The following NRP1 variants were observed in gnomAD, a reference collection of about 807,000 sequenced individuals.
NRP1 encodes neuropilin 1.
In NRP1, 35 loss-of-function variants were observed where a neutral mutation model predicts 106.7. That is an observed-to-expected ratio of 0.33 (90% CI 0.25 to 0.43). The LOEUF is 0.43. NRP1 is among the 20% of genes least tolerant of loss of function. NRP1 has a pLI of 1.00. For missense variants in NRP1, 1,024 were observed against 1,170.4 expected (o/e 0.87, Z 1.83); for synonymous variants, 437 against 417.9 (o/e 1.05, Z -0.56).
Position 33,334,605 on chromosome 10 carries a change from C to T in NRP1, c.-223G>A, listed in dbSNP as rs867968214. 58 of 319,676 alleles carry T rather than the reference C, an allele frequency of 1.8e-4. 2 individuals carry two copies. The South Asian group carries it at 2.5e-3, about 14-fold the overall frequency. The allele number at this position is 319,676 out of a possible 1,614,324, so 19.8% of individuals were successfully genotyped here. ...TCGCCTGCATCCTGTCATTTAGCTC[C>T]GGCTTCCTCTCCCTTTTCCCACACT... On this transcript the variant is annotated 5_prime_UTR_variant, in exon 1 of 17. Transcript: ENST00000374867.
At chr10:33,317,916 T>C (rs534354694) in intron 2 of NRP1, among the ~76,000 whole-genome samples, 68 of 152,344 alleles carry the variant, frequency 4.5e-4, no homozygotes, top group South Asian at 4.1e-4. Context: ...TGCAGTGCCT[T>C]GGTGCTTTTG....
chr10:33,327,653 T>C (rs1026142513), intron 2 of NRP1, among the ~76,000 whole-genome samples: 13 of 149,944 alleles, frequency 8.7e-5, no homozygotes, highest in African/African-American at 2.9e-4. Context: ...ATTTCTGGTG[T>C]TCCCAGGTTT....
intron 6 of NRP1, among the ~76,000 whole-genome samples, chr10:33,235,436 G>A (rs1351428626): frequency 6.6e-6 from 1 of 152,346 alleles, no homozygotes; most frequent in Non-Finnish European, 1.5e-5. Context: ...AACAGCATCA[G>A]GCTCTGAAAG....
intron 2 of NRP1, among the ~76,000 whole-genome samples, chr10:33,303,486 T>C (rs1389426805): frequency 6.6e-6 from 1 of 152,218 alleles, no homozygotes; most frequent in Admixed American, 6.5e-5. Context: ...CTTCCTTCCA[T>C]ACTTTTTAGG....
At position 33,186,431 on chromosome 10, in the gene NRP1, C is replaced by A. The variant is rs150891261; in HGVS notation, c.2120G>T (p.Arg707Leu). Reference protein sequence around the residue: ...ADENQKGKVARLVSPVVYSQN... With the variant: ...ADENQKGKVALLVSPVVYSQN... ...GGAATAAACCACAGGGCTCACCAGGCGAGCCACTTTGCCCTTCTGATTTTC... is the reference window on the plus strand; with the variant it reads ...GGAATAAACCACAGGGCTCACCAGGAGAGCCACTTTGCCCTTCTGATTTTC... Residue 707 changes from arginine to leucine, a missense_variant, in exon 14 of 17, where the codon CGC becomes CTC. Physicochemically the swap from Arg to Leu is moderately radical, Grantham distance 102. Around this residue, in one of 5 missense-constraint regions of NRP1, gnomAD observed 562 missense variants for 620.3 expected, o/e 0.91. Transcript: ENST00000374867. The A allele has an allele frequency of 6.8e-6, 11 of 1,611,662 alleles. No individual in the cohort carries two copies. Among genetic ancestry groups the A allele is most frequent in the Admixed American group, 1.7e-5 (1 of 59,810 alleles).
chr10:33,254,070 A>G lies in NRP1; in HGVS notation c.939T>C (p.Asn313=). 6.2e-7 allele frequency: 1 copy of G among 1,613,710 alleles called. No homozygotes were observed. ...AERSRLNYPE[N]GWTPGEDSYR... ...AGGAATCCTCTCCGGGAGTCCACCC[A>G]TTCTCAGGGTAGTTCAGGCGGGAGC... Residue 313 remains asparagine, a synonymous_variant, in exon 6 of 17, where the codon AAT becomes AAC. Coordinates refer to ENST00000374867, the MANE Select transcript of NRP1 (RefSeq NM_003873.7).
intron 2 of NRP1, among the ~76,000 whole-genome samples, chr10:33,289,000 G>A (rs1358872055): frequency 6.6e-6 from 1 of 151,850 alleles, no homozygotes; most frequent in Non-Finnish European, 1.5e-5. Flanking sequence ...TGTTTCCCTG[G>A]GATTAAGTTC....
chr10:33,216,619 AT>A (rs748021851), intron 8 of NRP1, among the ~76,000 whole-genome samples: 174 of 142,498 alleles, frequency 1.2e-3, no homozygotes, highest in Middle Eastern at 3.8e-3. Flanking sequence ...ATGATTGGCA[AT>A]TTTTTTTTTT....
rs1835578755 is a variant in NRP1, at chr10:33,179,999, G to C, written c.*77C>G. On this transcript the variant is annotated 3_prime_UTR_variant, in exon 17 of 17. Coordinates refer to ENST00000374867, the MANE Select transcript of NRP1 (RefSeq NM_003873.7). ...CAACACACTTCCCAGCCTGTATAGTGAAAGATCAACAGCTCCCCAGCTCAC... is the reference window on the plus strand; with the variant it reads ...CAACACACTTCCCAGCCTGTATAGTCAAAGATCAACAGCTCCCCAGCTCAC... 6.8e-7 allele frequency: 1 copy of C among 1,476,998 alleles called. No homozygotes were observed. The highest frequency in any genetic ancestry group is 1.8e-5 in the Admixed American group (1 of 56,574). 91.5% of individuals were successfully genotyped at this position (1,476,998 alleles called of 1,614,324 possible).
intron 2 of NRP1, among the ~76,000 whole-genome samples, chr10:33,280,266 T>A (rs1422703852): frequency 2.0e-5 from 3 of 152,214 alleles, no homozygotes. Flanking sequence ...TTAGCTCAGA[T>A]TATAAAACCC....
chr10:33,287,146 T>C (rs751088571), intron 2 of NRP1, among the ~76,000 whole-genome samples: 4 of 152,206 alleles, frequency 2.6e-5, no homozygotes, highest in Non-Finnish European at 5.9e-5. Context: ...ACAGCTCAAA[T>C]ACTACTGGAG....
intron 6 of NRP1, among the ~76,000 whole-genome samples, chr10:33,240,763 T>A (rs1221334814): frequency 6.6e-6 from 1 of 152,134 alleles, no homozygotes; most frequent in Non-Finnish European, 1.5e-5. Context: ...GAGATTAAAG[T>A]CGGCTGCCAG....
chr10:33,265,139 A>C (rs35702960), intron 3 of NRP1, among the ~76,000 whole-genome samples: 1 of 151,942 alleles, frequency 6.6e-6, no homozygotes, highest in Non-Finnish European at 1.5e-5. Flanking sequence ...AAACAAACAA[A>C]CAACAACCAA....
intron 1 of NRP1, among the ~76,000 whole-genome samples, chr10:33,331,113 T>TC (rs890753877): frequency 4.6e-5 from 7 of 152,100 alleles, no homozygotes; most frequent in Non-Finnish European, 8.8e-5. Context: ...AGAGGACTCT[T>TC]CCCCCCAGCC....
In NRP1 at chr10:33,177,932, T is replaced by G. The variant is rs1353353689; in HGVS notation, c.*2144A>C. 6.6e-6 allele frequency: 1 copy of G among 152,630 alleles called. No individual in the cohort carries two copies. The highest frequency in any genetic ancestry group is 1.5e-5 in the Non-Finnish European group (1 of 68,038). 9.5% of individuals were successfully genotyped at this position (152,630 alleles called of 1,614,324 possible). On this transcript the variant is annotated 3_prime_UTR_variant, in exon 17 of 17. Transcript: ENST00000374867. ...TAAACATATAATTTTTAAATATATT[T>G]ATCAGTGCAAGATACTTTAAATTTT...
chr10:33,334,294 T>C lies in NRP1; in HGVS notation c.73+16A>G, dbSNP rs1320459276. ...CCGGGGCGCCGCTGTCACCCGCGCC[T>C]CTGCCTGTCACTTACCGTTGCGAAA... On this transcript the variant is annotated intron_variant, in intron 1 of 16. Transcript: ENST00000374867. The C allele has an allele frequency of 6.5e-7, 1 of 1,538,302 alleles. No homozygotes were observed. Among genetic ancestry groups the C allele is most frequent in the Admixed American group, 2.0e-5 (1 of 50,858 alleles).
chr10:33,257,745 A>C (rs1842295576), intron 4 of NRP1, among the ~76,000 whole-genome samples: 1 of 152,212 alleles, frequency 6.6e-6, no homozygotes. Context: ...GGAAGAGTGC[A>C]GAACCCCCGT....
Position 33,180,079 on chromosome 10 carries a change from T to G in NRP1, c.2769A>C (p.Ala923=), listed in dbSNP as rs1475106721. The G allele has an allele frequency of 6.2e-7, 1 of 1,613,864 alleles. No homozygotes were observed. Among genetic ancestry groups the G allele is most frequent in the East Asian group, 2.2e-5 (1 of 44,876 alleles). ...KLNTQSTYSE[A] ...GTCTTTTCATCTCTGTCTGCCTTCA[T>G]GCCTCCGAATAAGTACTCTGTGTAT... The change falls in exon 17 of 17, where the codon GCA becomes GCC. Residue 923 remains alanine (A), a synonymous_variant. Coordinates refer to ENST00000374867, the MANE Select transcript of NRP1 (RefSeq NM_003873.7).
chr10:33,255,116 A>G (rs1842112934), intron 5 of NRP1, among the ~76,000 whole-genome samples: 5 of 152,246 alleles, frequency 3.3e-5, no homozygotes. Flanking sequence ...GAAAATCTCA[A>G]CTAACCAAAA....
Sources: gnomAD v4.1 joint callset for allele counts (sites outside exome capture counted in the v4.1 genomes callset) on GRCh38, gnomAD v4.1.1 for gene constraint, gnomAD v4.1.1 regional missense constraint, MANE v1.5 for transcripts, NCBI Gene and HGNC (gene_info 2026-07-23, HGNC 2026-07-21) for gene names.